HOMER1: variants seen among roughly 807,000 people sequenced by gnomAD.
HOMER1 encodes homer scaffold protein 1.
Under a neutral mutation model 48.9 loss-of-function variants are expected in HOMER1, and 3 were observed. The observed-to-expected ratio is 0.06, with a 90% CI of 0.03 to 0.16. The LOEUF (loss-of-function observed/expected upper bound fraction) is 0.16. Ranked by LOEUF, HOMER1 falls within the 10% of genes least tolerant of loss-of-function variation. The pLI is 1.00. For missense variants in HOMER1, 247 were observed against 411.4 expected (o/e 0.60, Z 3.46); for synonymous variants, 134 against 146.4 (o/e 0.92, Z 0.61).
intron 8 of HOMER1, among the ~76,000 whole-genome samples, chr5:79,392,429 G>C (rs1408949285): frequency 2.0e-5 from 3 of 152,088 alleles, no homozygotes; most frequent in Admixed American, 6.6e-5. Context: ...TTTTTTAAAA[G>C]AAGTTTAAAA....
intron 1 of HOMER1, among the ~76,000 whole-genome samples, chr5:79,501,628 C>T (rs116288678): frequency 0.011 from 1,750 of 152,250 alleles, 18 homozygotes; most frequent in Middle Eastern, 0.037. Context: ...AAAATTAAGT[C>T]GTTGTAAACT....
At chr5:79,376,271 C>T in intron 8 of HOMER1, 74 bp from the exon 9 acceptor site, 1 of 1,097,402 alleles carries the variant, frequency 9.1e-7, no homozygotes, top group Non-Finnish European at 1.3e-6. Flanking sequence ...TCTGTTATTA[C>T]CAATATTGCG....
In HOMER1 at chr5:79,373,878, T is replaced by C. The variant is rs1304168819; in HGVS notation, c.*2131A>G. On this transcript the variant is annotated 3_prime_UTR_variant, in exon 9 of 9. Coordinates refer to ENST00000334082, the MANE Select transcript of HOMER1 (RefSeq NM_004272.5). ...GTATATACATATGGGTATATGTATA[T>C]ATTGAATCACACATATGTCCCACAT... 5.9e-5 allele frequency: 9 copies of C among 151,970 alleles called. No individual in the cohort carries two copies. Among genetic ancestry groups the C allele is most frequent in the Non-Finnish European group, 1.5e-5 (1 of 67,862 alleles). 9.4% of individuals were successfully genotyped at this position (151,970 alleles called of 1,614,324 possible). A position where few individuals can be genotyped will look rare whatever the true frequency, so the allele number is the denominator to read the frequency against.
intron 1 of HOMER1, among the ~76,000 whole-genome samples, chr5:79,487,822 T>A (rs998345162): frequency 2.6e-5 from 4 of 152,204 alleles, no homozygotes; most frequent in African/African-American, 9.7e-5. Flanking sequence ...TGAAGATGTG[T>A]TAAGAGTCCT....
chr5:79,502,307 C>T (rs571400952), intron 1 of HOMER1, among the ~76,000 whole-genome samples: 20 of 151,750 alleles, frequency 1.3e-4, no homozygotes, highest in Non-Finnish European at 2.2e-4. Context: ...CGTGAGCCAC[C>T]GCGCCCAGCC....
intron 1 of HOMER1, among the ~76,000 whole-genome samples, chr5:79,483,925 G>A (rs1402866697): frequency 6.6e-6 from 1 of 151,386 alleles, no homozygotes; most frequent in South Asian, 2.1e-4. Context: ...GTGGTGGTGG[G>A]TGCATGTAAT....
At position 79,507,177 on chromosome 5, in the gene HOMER1, C is replaced by T. The variant is rs935029909; in HGVS notation, c.5+5593G>A. ...GCAGTGAGCCAAGATCGCGCCACTG[C>T]ACTCCAGCCTGGGTGACAGAGTGAG... On this transcript the variant is annotated intron_variant, in intron 1 of 8. Transcript: ENST00000334082. 1.4e-4 allele frequency among the ~76,000 whole-genome samples: 19 copies of T among 133,954 alleles called. No homozygotes were observed. In the Admixed American group the frequency reaches 1.5e-3, roughly 11 times the overall value. 87.9% of individuals were successfully genotyped at this position (133,954 alleles called of 152,430 possible). A position where few individuals can be genotyped will look rare whatever the true frequency, so the allele number is the denominator to read the frequency against.
chr5:79,389,554 G>T (rs1442042330), intron 8 of HOMER1, among the ~76,000 whole-genome samples: 1 of 152,156 alleles, frequency 6.6e-6, no homozygotes, highest in African/African-American at 2.4e-5. Flanking sequence ...TTATAAAAGA[G>T]GTTTCCCCTC....
chr5:79,483,403 T>C (rs894616580), intron 1 of HOMER1, among the ~76,000 whole-genome samples: 2 of 152,186 alleles, frequency 1.3e-5, no homozygotes, highest in East Asian at 3.9e-4. Flanking sequence ...TAGAACTACA[T>C]AGAGGTGATG....
At chr5:79,377,913 T>C (rs1748816471) in intron 8 of HOMER1, among the ~76,000 whole-genome samples, 1 of 152,192 alleles carries the variant, frequency 6.6e-6, no homozygotes, top group Admixed American at 6.5e-5. Context: ...CTAAATTTTT[T>C]TCACAATGTA....
At position 79,374,236 on chromosome 5, in the gene HOMER1, C is replaced by A. The variant is rs1352364459; in HGVS notation, c.*1773G>T. The A allele has an allele frequency of 6.6e-6, 1 of 152,348 alleles. No homozygotes were observed. The allele number at this position is 152,348 out of a possible 1,614,324, so 9.4% of individuals were successfully genotyped here. ...TCTGAGCATGTGTATCTAAATTATT[C>A]TCCCTATAATATATAGGTGAGGAAA... On this transcript the variant is annotated 3_prime_UTR_variant, in exon 9 of 9. Coordinates refer to ENST00000334082, the MANE Select transcript of HOMER1 (RefSeq NM_004272.5).
At chr5:79,495,395 C>T (rs1218361108) in intron 1 of HOMER1, among the ~76,000 whole-genome samples, 3 of 152,216 alleles carry the variant, frequency 2.0e-5, no homozygotes, top group Admixed American at 2.0e-4. Flanking sequence ...TCAAAACAAA[C>T]ATGACTGGCT....
At chr5:79,472,343 T>C (rs116713548) in intron 1 of HOMER1, among the ~76,000 whole-genome samples, 158 of 152,370 alleles carry the variant, frequency 1.0e-3, no homozygotes, top group Non-Finnish European at 1.7e-3. Flanking sequence ...ATGAATTTGC[T>C]TGCTTTTAAA....
intron 4 of HOMER1, among the ~76,000 whole-genome samples, chr5:79,446,087 T>C (rs1211931828): frequency 6.6e-6 from 1 of 152,160 alleles, no homozygotes; most frequent in Non-Finnish European, 1.5e-5. Flanking sequence ...AGCTAATTCT[T>C]AAGGACAGCA....
chr5:79,451,621 A>G (rs1380374612), intron 2 of HOMER1, among the ~76,000 whole-genome samples: 1 of 123,184 alleles, frequency 8.1e-6, no homozygotes, highest in African/African-American at 3.2e-5. Flanking sequence ...GCTGGAGTGC[A>G]GTGGCGTGAT....
At chr5:79,470,477 A>T (rs1338122976) in intron 1 of HOMER1, among the ~76,000 whole-genome samples, 2 of 152,216 alleles carry the variant, frequency 1.3e-5, no homozygotes, top group Admixed American at 1.3e-4. Context: ...TGTGAAGCAG[A>T]TACACAACAC....
chr5:79,397,702 A>G (rs905445646), intron 6 of HOMER1, 65 bp from the exon 7 acceptor site: 3 of 839,468 alleles, frequency 3.6e-6, no homozygotes, highest in Non-Finnish European at 5.9e-6. Flanking sequence ...TGCTAAATAC[A>G]TAGCCCCAAA....
At chr5:79,488,002 C>T (rs1752160967) in intron 1 of HOMER1, among the ~76,000 whole-genome samples, 1 of 152,134 alleles carries the variant, frequency 6.6e-6, no homozygotes, top group Admixed American at 6.5e-5. Context: ...ATTATACAAT[C>T]CTCCTTAGGT....
chr5:79,457,161 T>C, intron 1 of HOMER1, 143 bp from the exon 2 acceptor site: 1 of 720,120 alleles, frequency 1.4e-6, no homozygotes, highest in African/African-American at 1.8e-5. Flanking sequence ...CAAATTTGCA[T>C]ATTCTAAGTA....
Sources: gnomAD v4.1 joint callset for allele counts (sites outside exome capture counted in the v4.1 genomes callset) on GRCh38, gnomAD v4.1.1 for gene constraint, MANE v1.5 for transcripts, NCBI Gene and HGNC (gene_info 2026-07-23, HGNC 2026-07-21) for gene names.